Variants in SYN3 observed in about 807,000 individuals in gnomAD.
SYN3 encodes the protein synapsin-3.
SYN3 carries 35 observed loss-of-function variants against 65.8 expected under a neutral mutation model. The ratio of observed to expected loss-of-function variants is 0.53; its 90% CI spans 0.41 to 0.70. The LOEUF (loss-of-function observed/expected upper bound fraction) is 0.70. SYN3 is among the 30% of genes least tolerant of loss of function. SYN3 has a pLI of 0.00. For synonymous variants in SYN3, 270 were observed against 292.9 expected, an observed-to-expected ratio of 0.92 and a Z score of 0.80; for missense variants, 680 against 749.0, an observed-to-expected ratio of 0.91 and a Z score of 1.08.
rs1217815580 is a variant in SYN3, at chr22:33,006,825, C to G, written c.-162-1G>C. The G allele has an allele frequency of 8.2e-6, 5 of 608,296 alleles. No homozygotes were observed. In the East Asian group the frequency reaches 1.4e-4, roughly 17 times the overall value. The allele number at this position is 608,296 out of a possible 1,614,324, so 37.7% of individuals were successfully genotyped here. The stretch of plus-strand genomic sequence containing the variant: ...AGCTTTAGCTGCCTTTATTTACCTG[C>G]TGGAAATAAGCCAACAAATACATAA... On this transcript the variant is annotated splice_acceptor_variant, in intron 1 of 13. Transcript: ENST00000358763. LOFTEE classifies it low-confidence loss of function (5UTR_SPLICE).
intron 6 of SYN3, among the ~76,000 whole-genome samples, chr22:32,757,617 G>A (rs1469852879): frequency 2.0e-5 from 3 of 152,112 alleles, no homozygotes; most frequent in Non-Finnish European, 4.4e-5. Context: ...CTACCTTTAA[G>A]TCCACAAGCT....
intron 2 of SYN3, among the ~76,000 whole-genome samples, chr22:32,982,780 CTTG>C (rs2052408297): frequency 6.6e-6 from 1 of 152,166 alleles, no homozygotes; most frequent in East Asian, 1.9e-4. Context: ...TGAAAAAACA[CTTG>C]TTGAGTATCA....
intron 6 of SYN3, among the ~76,000 whole-genome samples, chr22:32,695,049 A>C (rs2147173618): frequency 1.3e-5 from 2 of 152,324 alleles, no homozygotes; most frequent in Middle Eastern, 6.8e-3. Context: ...GTTCTATGGT[A>C]TATTAAGACC....
chr22:33,040,685 A>T (rs1184476701), intron 1 of SYN3, among the ~76,000 whole-genome samples: 1 of 152,182 alleles, frequency 6.6e-6, no homozygotes, highest in Non-Finnish European at 1.5e-5. Flanking sequence ...TAATTGAATC[A>T]TGGGGGTGGT....
intron 2 of SYN3, among the ~76,000 whole-genome samples, chr22:33,003,369 G>A (rs376599504): frequency 2.0e-5 from 3 of 152,206 alleles, no homozygotes; most frequent in East Asian, 3.9e-4. Context: ...GGGCTCAGAA[G>A]ACAAGAAGAC....
intron 6 of SYN3, among the ~76,000 whole-genome samples, chr22:32,718,506 G>GAAAAAAAAAAAAA (rs199623097): frequency 9.4e-6 from 1 of 106,566 alleles, no homozygotes; most frequent in Non-Finnish European, 2.0e-5. Context: ...TTCAAGGACT[G>GAAAAAAAAAAAAA]AAAAAAAAAA....
intron 6 of SYN3, among the ~76,000 whole-genome samples, chr22:32,734,028 AGGT>A (rs2061304739): frequency 6.6e-6 from 1 of 152,178 alleles, no homozygotes; most frequent in South Asian, 2.1e-4. Flanking sequence ...GAGCAAGAAA[AGGT>A]CCAGAACTAA....
chr22:32,838,318 G>C (rs1490836677), intron 6 of SYN3, among the ~76,000 whole-genome samples: 1 of 152,210 alleles, frequency 6.6e-6, no homozygotes, highest in Admixed American at 6.5e-5. Flanking sequence ...ACAGGACCTG[G>C]AGATGGGGCC....
chr22:32,877,711 C>T (rs2049020313), intron 4 of SYN3, among the ~76,000 whole-genome samples: 1 of 152,140 alleles, frequency 6.6e-6, no homozygotes, highest in Non-Finnish European at 1.5e-5. Context: ...TCCGCAAACC[C>T]TTTCCACCTT....
intron 9 of SYN3, among the ~76,000 whole-genome samples, chr22:32,535,790 G>GGT (rs1555891235): frequency 1.1e-4 from 16 of 152,142 alleles, no homozygotes; most frequent in African/African-American, 3.9e-4. Flanking sequence ...TCGGGGGGGG[G>GGT]GCCCTGCTCC....
intron 3 of SYN3, among the ~76,000 whole-genome samples, chr22:32,962,125 A>ATC (rs199839548): frequency 0.026 from 3,576 of 135,138 alleles, 120 homozygotes; most frequent in Middle Eastern, 0.052. Flanking sequence ...TACTTTTAGA[A>ATC]TCTCTTTTTT....
At chr22:32,573,154 G>A (rs911359196) in intron 7 of SYN3, among the ~76,000 whole-genome samples, 3 of 152,204 alleles carry the variant, frequency 2.0e-5, no homozygotes, top group South Asian at 2.1e-4. Context: ...CAGTTTGCCA[G>A]CACACCACTG....
intron 6 of SYN3, among the ~76,000 whole-genome samples, chr22:32,849,826 A>G (rs965627303): frequency 1.3e-5 from 2 of 152,160 alleles, no homozygotes; most frequent in African/African-American, 4.8e-5. Flanking sequence ...GCTCGTAACC[A>G]TGAGACCTTG....
In SYN3 at chr22:32,831,294, G is replaced by A. The variant is rs189826471; in HGVS notation, c.711+33621C>T. 1.2e-4 allele frequency among the ~76,000 whole-genome samples: 19 copies of A among 152,320 alleles called. No homozygotes were observed. The East Asian group carries it at 3.7e-3, about 29-fold the overall frequency. On this transcript the variant is annotated intron_variant, in intron 6 of 13. Transcript: ENST00000358763. ...CTCTGCCATTTTTAAGAGGGAGGAC[G>A]GGGCTGGATGGTGTCCCTGGGAATT...
intron 6 of SYN3, among the ~76,000 whole-genome samples, chr22:32,863,195 C>A (rs565460712): frequency 6.6e-6 from 1 of 152,322 alleles, no homozygotes; most frequent in African/African-American, 2.4e-5. Flanking sequence ...CAGTCCTTTT[C>A]CCTTGCAGAA....
At chr22:32,798,608 C>T (rs956220963) in intron 6 of SYN3, among the ~76,000 whole-genome samples, 9 of 151,578 alleles carry the variant, frequency 5.9e-5, no homozygotes, top group Admixed American at 3.3e-4. Flanking sequence ...TTGAAACTTA[C>T]TCAGTTCTTC....
At chr22:32,760,124 G>A (rs2045432382) in intron 6 of SYN3, among the ~76,000 whole-genome samples, 1 of 117,020 alleles carries the variant, frequency 8.5e-6, no homozygotes, top group Non-Finnish European at 1.7e-5. Flanking sequence ...CCCACCAGCA[G>A]CCAGCACCCA....
At chr22:32,952,359 T>C (rs955921141) in intron 3 of SYN3, among the ~76,000 whole-genome samples, 5 of 151,670 alleles carry the variant, frequency 3.3e-5, no homozygotes, top group African/African-American at 1.2e-4. Context: ...AATGTCCAAA[T>C]AAATACAAAA....
At position 32,858,896 on chromosome 22, in the gene SYN3, A is replaced by ATTCTG. The variant is rs891358626; in HGVS notation, c.711+6014_711+6018dup. ...ACGAAAAAGTCCTCTCAGTAGTCTA[A>ATTCTG]TTCTGCTACTTACTGGCTGTGTGAC... On this transcript the variant is annotated intron_variant, in intron 6 of 13. Transcript: ENST00000358763. Among the ~76,000 whole-genome samples, 47 of 152,206 alleles carry ATTCTG rather than the reference A, an allele frequency of 3.1e-4. 1 individual carries two copies. Among genetic ancestry groups the ATTCTG allele is most frequent in the African/African-American group, 1.1e-3 (47 of 41,456 alleles).
Sources: gnomAD v4.1 joint callset for allele counts (sites outside exome capture counted in the v4.1 genomes callset) on GRCh38, gnomAD v4.1.1 for gene constraint, MANE v1.5 for transcripts, NCBI Gene and HGNC (gene_info 2026-07-23, HGNC 2026-07-21) for gene names.